Variants in TECRL observed in about 807,000 individuals in gnomAD.
The protein encoded by TECRL is trans-2,3-enoyl-CoA reductase like.
TECRL carries 63 observed loss-of-function variants against 52.8 expected under a neutral mutation model. The ratio of observed to expected loss-of-function variants is 1.19; its 90% CI spans 0.97 to 1.47. The LOEUF is 1.47. TECRL is among the 40% of genes most tolerant of loss of function. TECRL has a pLI of 0.00. For synonymous variants in TECRL, 164 were observed against 141.9 expected (o/e 1.16, Z -1.10); for missense variants, 482 against 429.6 (o/e 1.12, Z -1.08).
intron 2 of TECRL, 82 bp from the exon 3 acceptor site, chr4:64,328,638 A>G (rs1307056127): frequency 5.0e-6 from 6 of 1,205,920 alleles, no homozygotes; most frequent in Non-Finnish European, 7.2e-6. Flanking sequence ...TGGGAAGACC[A>G]TTTAGATCTA....
chr4:64,292,508 C>A (rs1165498486), intron 8 of TECRL, among the ~76,000 whole-genome samples: 1 of 151,848 alleles, frequency 6.6e-6, no homozygotes, highest in Non-Finnish European at 1.5e-5. Context: ...AGAAATAGTA[C>A]TTGAACACTA....
At chr4:64,336,936 T>A (rs1012147580) in intron 2 of TECRL, among the ~76,000 whole-genome samples, 3 of 152,174 alleles carry the variant, frequency 2.0e-5, no homozygotes, top group African/African-American at 4.8e-5. Flanking sequence ...AACTATGTGG[T>A]CAATTCTGGA....
At chr4:64,289,886 A>G (rs565640716) in intron 8 of TECRL, 119 bp from the exon 9 acceptor site, 182 of 581,346 alleles carry the variant, frequency 3.1e-4, no homozygotes, top group Non-Finnish European at 9.7e-5. Flanking sequence ...CAAAAGATAT[A>G]TATTTTATTC....
chr4:64,296,981 A>G (rs974398104), intron 8 of TECRL, among the ~76,000 whole-genome samples: 1 of 151,590 alleles, frequency 6.6e-6, no homozygotes, highest in Non-Finnish European at 1.5e-5. Context: ...GTTGAAAGTT[A>G]GAAAGAATTT....
chr4:64,398,077 A>C (rs1297523657), intron 1 of TECRL, among the ~76,000 whole-genome samples: 1 of 80,842 alleles, frequency 1.2e-5, no homozygotes, highest in Non-Finnish European at 3.4e-5. Context: ...ATTTCATTAA[A>C]CATTATTTTA....
intron 8 of TECRL, among the ~76,000 whole-genome samples, chr4:64,290,772 T>C (rs1353615899): frequency 6.6e-6 from 1 of 152,112 alleles, no homozygotes; most frequent in Non-Finnish European, 1.5e-5. Flanking sequence ...ATTTTCATCA[T>C]CTAGAACTGT....
At chr4:64,360,985 C>T (rs1272652604) in intron 2 of TECRL, among the ~76,000 whole-genome samples, 3 of 152,142 alleles carry the variant, frequency 2.0e-5, no homozygotes, top group African/African-American at 7.2e-5. Context: ...ACATACTCCA[C>T]TAGGTGGCTT....
intron 2 of TECRL, among the ~76,000 whole-genome samples, chr4:64,356,791 G>T (rs998020003): frequency 6.6e-6 from 1 of 152,098 alleles, no homozygotes; most frequent in Non-Finnish European, 1.5e-5. Flanking sequence ...CTTTGTCCCT[G>T]TGTCTTATTT....
intron 2 of TECRL, among the ~76,000 whole-genome samples, chr4:64,371,422 GT>G (rs1175922909): frequency 6.6e-6 from 1 of 150,936 alleles, no homozygotes; most frequent in African/African-American, 2.4e-5. Context: ...TTTACAAACA[GT>G]TTTTATACAA....
intron 2 of TECRL, among the ~76,000 whole-genome samples, chr4:64,366,143 C>A (rs1009755724): frequency 1.5e-4 from 23 of 152,024 alleles, no homozygotes; most frequent in African/African-American, 5.6e-4. Context: ...AAAAGGACTC[C>A]CCATTCAATA....
chr4:64,313,836 A>T (rs1481206796), intron 5 of TECRL, among the ~76,000 whole-genome samples: 1 of 150,222 alleles, frequency 6.7e-6, no homozygotes, highest in African/African-American at 2.4e-5. Context: ...ATTTTGACTT[A>T]TAAAAAGTAA....
At position 64,278,120 on chromosome 4, in the gene TECRL, A is replaced by G. The variant is rs1425975228; in HGVS notation, c.*1952T>C. 3 of 63,020 alleles carry G rather than the reference A, an allele frequency of 4.8e-5. No individual in the cohort carries two copies. Among genetic ancestry groups the G allele is most frequent in the African/African-American group, 8.9e-5 (3 of 33,562 alleles). The allele number at this position is 63,020 out of a possible 1,614,324, so 3.9% of individuals were successfully genotyped here. A position where few individuals can be genotyped will look rare whatever the true frequency, so the allele number is the denominator to read the frequency against. ...CACATATTTTGAAATATATTTCAGA[A>G]GATGTATAAATATAATTTACATACA... On this transcript the variant is annotated 3_prime_UTR_variant, in exon 12 of 12. Transcript: ENST00000381210.
chr4:64,386,432 G>C (rs1292909013), intron 1 of TECRL, among the ~76,000 whole-genome samples: 2 of 152,100 alleles, frequency 1.3e-5, no homozygotes, highest in Non-Finnish European at 2.9e-5. Context: ...AGGGGTGGTA[G>C]AGGTGGAAGA....
intron 5 of TECRL, among the ~76,000 whole-genome samples, chr4:64,313,176 A>G (rs1270301022): frequency 6.6e-6 from 1 of 152,176 alleles, no homozygotes; most frequent in Non-Finnish European, 1.5e-5. Flanking sequence ...GCAAAACTTG[A>G]TTCGAGGTAA....
chr4:64,358,164 C>T (rs1226172435), intron 2 of TECRL, among the ~76,000 whole-genome samples: 2 of 151,542 alleles, frequency 1.3e-5, no homozygotes, highest in Admixed American at 6.6e-5. Flanking sequence ...TAAAATTCAG[C>T]GATGTATGCT....
At chr4:64,352,790 T>C (rs900280780) in intron 2 of TECRL, among the ~76,000 whole-genome samples, 5 of 152,256 alleles carry the variant, frequency 3.3e-5, no homozygotes, top group Admixed American at 2.0e-4. Context: ...ATTCAAAGTA[T>C]GTTCTTGTCT....
At chr4:64,396,540 A>T (rs1269832233) in intron 1 of TECRL, among the ~76,000 whole-genome samples, 2 of 152,048 alleles carry the variant, frequency 1.3e-5, no homozygotes, top group Admixed American at 6.6e-5. Flanking sequence ...AGTTCCTTAT[A>T]GATCTTGGAT....
intron 2 of TECRL, among the ~76,000 whole-genome samples, chr4:64,332,932 T>C (rs1243597521): frequency 6.6e-6 from 1 of 152,054 alleles, no homozygotes; most frequent in African/African-American, 2.4e-5. Flanking sequence ...AAGCTATATA[T>C]TGAATGATAT....
chr4:64,320,797 T>C (rs1717847208), intron 4 of TECRL, among the ~76,000 whole-genome samples: 1 of 152,104 alleles, frequency 6.6e-6, no homozygotes, highest in African/African-American at 2.4e-5. Context: ...AGCAAAGGTC[T>C]GTAGACATCA....
Sources: allele counts gnomAD v4.1 joint callset (sites outside exome capture counted in the v4.1 genomes callset), GRCh38; gene constraint gnomAD v4.1.1; transcripts MANE v1.5; gene names NCBI Gene and HGNC (gene_info 2026-07-23, HGNC 2026-07-21).